RBMS3: variants seen among roughly 807,000 people sequenced by gnomAD.
The protein encoded by RBMS3 is RNA-binding motif, single-stranded-interacting protein 3.
RBMS3 carries 27 observed loss-of-function variants against 66.8 expected under a neutral mutation model. The observed-to-expected ratio is 0.40, with a 90% CI of 0.30 to 0.56. RBMS3 has a LOEUF of 0.56. RBMS3 is among the 20% of genes least tolerant of loss of function. RBMS3 has a pLI of 0.40. For synonymous variants in RBMS3, 188 were observed against 183.0 expected (o/e 1.03, Z -0.22); for missense variants, 513 against 549.5 (o/e 0.93, Z 0.66).
intron 4 of RBMS3, among the ~76,000 whole-genome samples, chr3:29,654,170 G>A (rs1371013594): frequency 1.3e-5 from 2 of 152,090 alleles, no homozygotes; most frequent in Non-Finnish European, 2.9e-5. Context: ...AAAAGATAGG[G>A]AAAATTGGCA....
chr3:29,924,605 G>GC (rs967105792), intron 10 of RBMS3: 3 of 3,060 alleles, frequency 9.8e-4, no homozygotes, highest in African/African-American at 2.5e-3. Context: ...TGGGAGGCCA[G>GC]GGGGCGGATC....
At chr3:29,473,765 C>G (rs559783620) in intron 2 of RBMS3, among the ~76,000 whole-genome samples, 1 of 152,192 alleles carries the variant, frequency 6.6e-6, no homozygotes, top group South Asian at 2.1e-4. Flanking sequence ...GCTCATTGCC[C>G]GGGGCCGGCA....
At chr3:29,523,918 G>A (rs1263955079) in intron 3 of RBMS3, among the ~76,000 whole-genome samples, 1 of 151,502 alleles carries the variant, frequency 6.6e-6, no homozygotes, top group Non-Finnish European at 1.5e-5. Context: ...ATTTTTTTTT[G>A]TAGAGATGAG....
intron 14 of RBMS3, among the ~76,000 whole-genome samples, chr3:29,999,220 G>C (rs1324799280): frequency 3.3e-5 from 5 of 151,962 alleles, no homozygotes; most frequent in African/African-American, 4.8e-5. Flanking sequence ...GAGATATCAT[G>C]TTACACCAGT....
At chr3:29,292,399 G>A (rs934151179) in intron 1 of RBMS3, among the ~76,000 whole-genome samples, 2 of 151,594 alleles carry the variant, frequency 1.3e-5, no homozygotes, top group Admixed American at 6.6e-5. Flanking sequence ...AGCACAAAGG[G>A]GTGAGTCTTA....
intron 1 of RBMS3, among the ~76,000 whole-genome samples, chr3:29,383,516 A>T (rs191606985): frequency 1.1e-4 from 16 of 152,336 alleles, no homozygotes; most frequent in African/African-American, 3.6e-4. Flanking sequence ...AAAAAAAATC[A>T]ATGCAGATGG....
At chr3:30,003,820 A>C in intron 14 of RBMS3, 36 bp from the exon 15 acceptor site, 1 of 1,380,218 alleles carries the variant, frequency 7.2e-7, no homozygotes, top group Non-Finnish European at 9.5e-7. Flanking sequence ...AAGTTACTTT[A>C]ATTTAATGAC....
At chr3:29,704,834 T>G (rs2052800899) in intron 4 of RBMS3, among the ~76,000 whole-genome samples, 1 of 152,232 alleles carries the variant, frequency 6.6e-6, no homozygotes, top group Admixed American at 6.5e-5. Context: ...TGTTTCAACA[T>G]AAAAGTTGGT....
At chr3:29,359,866 T>G (rs973664282) in intron 1 of RBMS3, among the ~76,000 whole-genome samples, 1 of 152,230 alleles carries the variant, frequency 6.6e-6, no homozygotes, top group African/African-American at 2.4e-5. Flanking sequence ...GATGGTAGTT[T>G]GTATTTCTAT....
intron 3 of RBMS3, among the ~76,000 whole-genome samples, chr3:29,569,188 G>C (rs1410130254): frequency 1.3e-5 from 2 of 152,026 alleles, no homozygotes; most frequent in Non-Finnish European, 2.9e-5. Flanking sequence ...CCGTAGTTGG[G>C]ACAATTATAT....
At chr3:29,790,539 T>C (rs750200965) in intron 6 of RBMS3, among the ~76,000 whole-genome samples, 3 of 152,164 alleles carry the variant, frequency 2.0e-5, no homozygotes, top group African/African-American at 4.8e-5. Context: ...TCTGTGAATA[T>C]CAACGCTCTC....
rs576912552 is a variant in RBMS3 at position 29,534,877 on chromosome 3, T to G, written c.307+46378T>G. 4.9e-4 allele frequency among the ~76,000 whole-genome samples: 75 copies of G among 152,218 alleles called. 1 individual carries two copies. The highest frequency in any genetic ancestry group is 6.8e-3 in the Middle Eastern group (2 of 294). ...TGTAACATTAATTGGATGAAAGTTT[T>G]CTTGATGGGAAAGATTATTGATTAA... On this transcript the variant is annotated intron_variant, in intron 3 of 14. Coordinates refer to ENST00000383767, the MANE Select transcript of RBMS3 (RefSeq NM_001003793.3).
intron 1 of RBMS3, among the ~76,000 whole-genome samples, chr3:29,350,966 TA>T (rs2036874677): frequency 6.6e-6 from 1 of 152,128 alleles, no homozygotes; most frequent in Admixed American, 6.6e-5. Context: ...AATCTACCAT[TA>T]ACAATTCTGC....
chr3:29,687,700 T>C (rs2051794953), intron 4 of RBMS3, among the ~76,000 whole-genome samples: 1 of 152,204 alleles, frequency 6.6e-6, no homozygotes, highest in South Asian at 2.1e-4. Flanking sequence ...AAACATTAAT[T>C]TGAAGAAAAA....
At chr3:29,605,492 G>C (rs2048293467) in intron 4 of RBMS3, among the ~76,000 whole-genome samples, 1 of 151,232 alleles carries the variant, frequency 6.6e-6, no homozygotes, top group South Asian at 2.1e-4. Flanking sequence ...GTGTAGATTA[G>C]GGAACCACCT....
At chr3:29,446,021 T>C (rs79652555) in intron 2 of RBMS3, among the ~76,000 whole-genome samples, 4,327 of 152,282 alleles carry the variant, frequency 0.028, 155 homozygotes, top group Admixed American at 0.11. Context: ...ACAATCAAGA[T>C]ATAAAACATT....
intron 1 of RBMS3, among the ~76,000 whole-genome samples, chr3:29,348,690 A>G (rs1365375762): frequency 2.0e-5 from 3 of 152,150 alleles, no homozygotes; most frequent in African/African-American, 7.2e-5. Context: ...CAATTGGCAA[A>G]AACCAAAAAT....
intron 10 of RBMS3, among the ~76,000 whole-genome samples, chr3:29,905,796 G>T (rs1001765866): frequency 6.6e-6 from 1 of 152,060 alleles, no homozygotes; most frequent in Non-Finnish European, 1.5e-5. Flanking sequence ...AAGAAAGATC[G>T]TGAATTTGTG....
intron 11 of RBMS3, among the ~76,000 whole-genome samples, chr3:29,942,671 T>G (rs1577210842): frequency 6.6e-6 from 1 of 151,798 alleles, no homozygotes; most frequent in East Asian, 1.9e-4. Flanking sequence ...GGATTAGGAG[T>G]AATGTCTATT....
Sources: allele counts gnomAD v4.1 joint callset (sites outside exome capture counted in the v4.1 genomes callset), GRCh38; gene constraint gnomAD v4.1.1; transcripts MANE v1.5; gene names NCBI Gene and HGNC (gene_info 2026-07-23, HGNC 2026-07-21).